The following CLEC2B variants were observed in gnomAD, a reference collection of about 807,000 sequenced individuals.
CLEC2B encodes the protein C-type lectin domain family 2 member B.
A neutral mutation model predicts 16.2 loss-of-function variants in CLEC2B; 14 were observed. The ratio of observed to expected loss-of-function variants is 0.86; its 90% CI spans 0.57 to 1.35. CLEC2B has a LOEUF of 1.35. Among genes scored for constraint, CLEC2B ranks in the 40% most tolerant of loss-of-function variants. The pLI is 0.00. For missense variants in CLEC2B, 166 were observed against 182.3 expected, an observed-to-expected ratio of 0.91 and a Z score of 0.52; for synonymous variants, 42 against 55.8, an observed-to-expected ratio of 0.75 and a Z score of 1.10.
intron 1 of CLEC2B, among the ~76,000 whole-genome samples, chr12:9,865,073 C>T (rs573661721): frequency 6.6e-6 from 1 of 150,996 alleles, no homozygotes; most frequent in East Asian, 2.0e-4. Flanking sequence ...ATCCTGGCTA[C>T]TCAGGAGGCT....
chr12:9,854,334 G>T (rs867262210), intron 4 of CLEC2B, 47 bp downstream of exon 4: 2 of 1,262,184 alleles, frequency 1.6e-6, no homozygotes, highest in Non-Finnish European at 2.3e-6. Flanking sequence ...TCCTAGAGAA[G>T]GCTGCACTAT....
intron 3 of CLEC2B, chr12:9,854,833 A>G (rs1867883656): frequency 8.7e-6 from 3 of 344,976 alleles, no homozygotes; most frequent in South Asian, 5.5e-5. Flanking sequence ...TATTTATTAC[A>G]CTATTTGTCC....
chr12:9,854,380 C>A lies in CLEC2B; in HGVS notation c.341+1G>T. The A allele has an allele frequency of 6.2e-7, 1 of 1,601,142 alleles. No homozygotes were observed. Among genetic ancestry groups the A allele is most frequent in the Non-Finnish European group, 8.5e-7 (1 of 1,169,878 alleles). ...GTGATCCCAGAAAAAAATAAACTCA[C>A]GATTTGGTAAATGTAGCTCCATCTA... is the stretch of plus-strand genomic sequence containing the variant. On this transcript the variant is annotated splice_donor_variant, in intron 4 of 4. Transcript: ENST00000228438. LOFTEE classifies it high-confidence loss of function.
chr12:9,863,196 G>C (rs1188473676), intron 1 of CLEC2B, among the ~76,000 whole-genome samples: 1 of 152,140 alleles, frequency 6.6e-6, no homozygotes, highest in Non-Finnish European at 1.5e-5. Context: ...TTTGGTATGA[G>C]TGGCACTCTA....
chr12:9,854,301 G>T, intron 4 of CLEC2B, 80 bp downstream of exon 4: 1 of 875,328 alleles, frequency 1.1e-6, no homozygotes, highest in Non-Finnish European at 1.8e-6. Context: ...TTGGGCTCTA[G>T]AGAAATTTAG....
chr12:9,856,660 T>G (rs1211014816), intron 3 of CLEC2B, among the ~76,000 whole-genome samples: 2 of 152,092 alleles, frequency 1.3e-5, no homozygotes, highest in Non-Finnish European at 2.9e-5. Context: ...TGCTTTTCAT[T>G]GAAACACTTC....
chr12:9,854,553 G>A (rs1326779505), intron 3 of CLEC2B, 69 bp from the exon 4 acceptor site: 3 of 1,008,422 alleles, frequency 3.0e-6, no homozygotes, highest in Non-Finnish European at 4.7e-6. Context: ...TGTACCTCTT[G>A]TTTCGTAGGT....
At chr12:9,856,378 T>C (rs1867894291) in intron 3 of CLEC2B, among the ~76,000 whole-genome samples, 1 of 152,100 alleles carries the variant, frequency 6.6e-6, no homozygotes, top group South Asian at 2.1e-4. Flanking sequence ...AGTGACGTTA[T>C]TGACTACAGA....
At chr12:9,861,998 A>G (rs1199847258) in intron 2 of CLEC2B, among the ~76,000 whole-genome samples, 1 of 152,090 alleles carries the variant, frequency 6.6e-6, no homozygotes, top group Non-Finnish European at 1.5e-5. Flanking sequence ...TTTTTATAAA[A>G]AAAATTTCAA....
chr12:9,858,411 C>G (rs145193189), intron 2 of CLEC2B, among the ~76,000 whole-genome samples: 22 of 152,126 alleles, frequency 1.4e-4, no homozygotes, highest in African/African-American at 5.1e-4. Context: ...ACATAAAAGC[C>G]TTATTCTCAT....
At chr12:9,863,153 A>T (rs971793611) in intron 1 of CLEC2B, among the ~76,000 whole-genome samples, 5 of 152,022 alleles carry the variant, frequency 3.3e-5, no homozygotes, top group East Asian at 1.9e-4. Flanking sequence ...GTCTTCCCAC[A>T]CTACTGGGAT....
intron 1 of CLEC2B, among the ~76,000 whole-genome samples, chr12:9,864,604 G>T (rs144011243): frequency 6.6e-6 from 1 of 152,092 alleles, no homozygotes; most frequent in East Asian, 1.9e-4. Context: ...TATTCTTTGT[G>T]ATATAAGTTG....
At chr12:9,862,989 G>A (rs1591769882) in intron 1 of CLEC2B, among the ~76,000 whole-genome samples, 2 of 152,264 alleles carry the variant, frequency 1.3e-5, no homozygotes, top group East Asian at 3.9e-4. Context: ...AGGACAGGCA[G>A]AGACAAAGTG....
At chr12:9,858,915 A>G (rs1341264503) in intron 2 of CLEC2B, among the ~76,000 whole-genome samples, 1 of 152,044 alleles carries the variant, frequency 6.6e-6, no homozygotes, top group Non-Finnish European at 1.5e-5. Context: ...ACTGAAGTTG[A>G]AGTTGAAAGG....
intron 4 of CLEC2B, 124 bp from the exon 5 acceptor site, chr12:9,853,532 C>T (rs1867868463): frequency 5.6e-6 from 4 of 711,788 alleles, no homozygotes; most frequent in Admixed American, 2.2e-5. Flanking sequence ...TTCTCTCTTG[C>T]TAGTGTTGAG....
chr12:9,862,211 C>A (rs1475196013), intron 2 of CLEC2B, among the ~76,000 whole-genome samples: 2 of 151,698 alleles, frequency 1.3e-5, no homozygotes, highest in East Asian at 3.9e-4. Flanking sequence ...TTTTAGTAGG[C>A]AAAACTAAGC....
chr12:9,863,455 G>A (rs907223199), intron 1 of CLEC2B, among the ~76,000 whole-genome samples: 7 of 152,068 alleles, frequency 4.6e-5, no homozygotes, highest in African/African-American at 9.7e-5. Context: ...GGACAAAGTC[G>A]GAATCAGAGA....
intron 1 of CLEC2B, among the ~76,000 whole-genome samples, chr12:9,865,372 G>C (rs1053679834): frequency 1.3e-5 from 2 of 151,992 alleles, no homozygotes; most frequent in African/African-American, 4.8e-5. Context: ...ACTTATATCA[G>C]ATAAAATAGA....
rs1555123291 is a variant in CLEC2B, at chr12:9,853,071, A to AAGAAAG, written c.*223_*228dup. 893 of 264,762 alleles carry AAGAAAG rather than the reference A, an allele frequency of 3.4e-3. 37 individuals are homozygous for AAGAAAG. The highest frequency in any genetic ancestry group is 0.019 in the African/African-American group (636 of 33,296). The allele number at this position is 264,762 out of a possible 1,614,324, so 16.4% of individuals were successfully genotyped here. On this transcript the variant is annotated 3_prime_UTR_variant, in exon 5 of 5. Transcript: ENST00000228438. ...TTACAGTTAAAAAAAGAAAGAAAGAAAGAAAGAAAGAAAGAGAGAGAGAGA... is the reference window on the plus strand; with the variant it reads ...TTACAGTTAAAAAAAGAAAGAAAGAAAGAAAGAGAAAGAAAGAAAGAGAGAGAGAGA...
Sources: allele counts gnomAD v4.1 joint callset (sites outside exome capture counted in the v4.1 genomes callset), GRCh38; gene constraint gnomAD v4.1.1; transcripts MANE v1.5; gene names NCBI Gene and HGNC (gene_info 2026-07-23, HGNC 2026-07-21).